The following ERG variants were observed in gnomAD, a reference collection of about 807,000 sequenced individuals.
The protein encoded by ERG is transcriptional regulator ERG.
A neutral mutation model predicts 55.3 loss-of-function variants in ERG; 9 were observed. That is an observed-to-expected ratio of 0.16 (90% CI 0.10 to 0.28). The LOEUF is 0.28. ERG is among the 10% of genes least tolerant of loss of function. ERG has a pLI of 1.00. For synonymous variants in ERG, 223 were observed against 237.3 expected, an observed-to-expected ratio of 0.94 and a Z score of 0.55; for missense variants, 434 against 631.6, an observed-to-expected ratio of 0.69 and a Z score of 3.35.
At chr21:38,617,330 C>A (rs1262104925) in intron 1 of ERG, among the ~76,000 whole-genome samples, 1 of 152,158 alleles carries the variant, frequency 6.6e-6, no homozygotes, top group Non-Finnish European at 1.5e-5. Flanking sequence ...TTCCTCCAAC[C>A]ATAACAGATC....
intron 2 of ERG, among the ~76,000 whole-genome samples, chr21:38,441,761 C>T (rs1489556145): frequency 6.6e-6 from 1 of 152,200 alleles, no homozygotes; most frequent in Non-Finnish European, 1.5e-5. Context: ...TGCTAGATGC[C>T]TCAAAGCGGA....
chr21:38,571,246 T>C (rs1403676711), intron 2 of ERG, among the ~76,000 whole-genome samples: 1 of 152,146 alleles, frequency 6.6e-6, no homozygotes, highest in African/African-American at 2.4e-5. Flanking sequence ...AAGTACTTGG[T>C]CATGCCTGTA....
At chr21:38,567,185 A>C (rs551541683) in intron 2 of ERG, among the ~76,000 whole-genome samples, 1 of 152,256 alleles carries the variant, frequency 6.6e-6, no homozygotes, top group South Asian at 2.1e-4. Context: ...ACCGCATTGG[A>C]ATCTGGCCCT....
At chr21:38,630,215 G>A (rs544108340) in intron 1 of ERG, among the ~76,000 whole-genome samples, 34 of 152,216 alleles carry the variant, frequency 2.2e-4, no homozygotes, top group Admixed American at 7.2e-4. Context: ...AAATGTGCTC[G>A]ATACCCCTGA....
rs114651572 is a variant in ERG at position 38,559,505 on chromosome 21, T to C, written c.-41+16157A>G. ...GGCCAGCACGATTTAGTCATTTAGA[T>C]TTCAGGTCTAACTAACTGATGACAG... On this transcript the variant is annotated intron_variant, in intron 2 of 8. Transcript: ENST00000398897. Among the ~76,000 whole-genome samples, 447 of 151,456 alleles carry C rather than the reference T, an allele frequency of 3.0e-3. 2 individuals are homozygous for C. The highest frequency in any genetic ancestry group is 0.01 in the African/African-American group (418 of 41,212).
intron 1 of ERG, among the ~76,000 whole-genome samples, chr21:38,474,919 G>A (rs537006624): frequency 1.7e-4 from 26 of 152,238 alleles, no homozygotes; most frequent in African/African-American, 5.5e-4. Flanking sequence ...ATTTAATAAC[G>A]TGATCACAGC....
chr21:38,545,178 T>C (rs543990016), intron 2 of ERG, among the ~76,000 whole-genome samples: 6 of 152,362 alleles, frequency 3.9e-5, no homozygotes, highest in Non-Finnish European at 7.3e-5. Flanking sequence ...CCTTCCTTTC[T>C]GCTGCCTCTT....
At chr21:38,592,230 G>A (rs2060104745) in intron 1 of ERG, among the ~76,000 whole-genome samples, 1 of 152,236 alleles carries the variant, frequency 6.6e-6, no homozygotes, top group Non-Finnish European at 1.5e-5. Flanking sequence ...CCTGAATGCA[G>A]AGTTGGGAAA....
chr21:38,390,711 C>T (rs192678840), intron 9 of ERG, among the ~76,000 whole-genome samples: 10 of 152,272 alleles, frequency 6.6e-5, no homozygotes, highest in East Asian at 3.9e-4. Context: ...TCCAGAACTG[C>T]GAGACAATAA....
At chr21:38,489,139 T>C (rs2059313604) in intron 1 of ERG, among the ~76,000 whole-genome samples, 1 of 152,190 alleles carries the variant, frequency 6.6e-6, no homozygotes, top group African/African-American at 2.4e-5. Context: ...AAACCCTTTA[T>C]CCTCAAGGTA....
In ERG at chr21:38,380,544, C is replaced by T; in HGVS notation, c.*2859G>A. The T allele has an allele frequency of 9.4e-7, 1 of 1,065,794 alleles. No homozygotes were observed. The highest frequency in any genetic ancestry group is 1.1e-6 in the Non-Finnish European group (1 of 879,604). The allele number at this position is 1,065,794 out of a possible 1,614,324, so 66.0% of individuals were successfully genotyped here. On this transcript the variant is annotated 3_prime_UTR_variant, in exon 10 of 10. Coordinates refer to ENST00000288319, the MANE Select transcript of ERG (RefSeq NM_182918.4). ...ACAGGAGTCTGAGTATACATCAGGG[C>T]AAGCCAAGAGACAGGGACAAACAGA... is the stretch of plus-strand genomic sequence containing the variant.
intron 2 of ERG, among the ~76,000 whole-genome samples, chr21:38,571,061 T>C (rs1016026146): frequency 1.3e-5 from 2 of 152,214 alleles, no homozygotes; most frequent in Non-Finnish European, 2.9e-5. Context: ...AAAATATTTA[T>C]AGGATCCTAA....
At chr21:38,515,261 G>A (rs974432313) in intron 2 of ERG, among the ~76,000 whole-genome samples, 1 of 151,864 alleles carries the variant, frequency 6.6e-6, no homozygotes, top group Admixed American at 6.6e-5. Context: ...CAGACAAGAT[G>A]CTCTTAAAGA....
At chr21:38,524,125 G>A (rs2059613985) in intron 2 of ERG, among the ~76,000 whole-genome samples, 1 of 152,120 alleles carries the variant, frequency 6.6e-6, no homozygotes, top group Non-Finnish European at 1.5e-5. Context: ...TGGAATCCCT[G>A]AGACCAAACC....
intron 2 of ERG, among the ~76,000 whole-genome samples, chr21:38,441,456 A>G (rs941985929): frequency 6.6e-6 from 1 of 152,204 alleles, no homozygotes; most frequent in Non-Finnish European, 1.5e-5. Flanking sequence ...CCTCCCCTGC[A>G]GATCTCAGAC....
intron 1 of ERG, among the ~76,000 whole-genome samples, chr21:38,455,262 A>C (rs562947329): frequency 5.1e-4 from 77 of 152,212 alleles, no homozygotes; most frequent in Non-Finnish European, 1.0e-3. Context: ...ATTTTTCATA[A>C]ACTTCTATGA....
At position 38,472,435 on chromosome 21, in the gene ERG, A is replaced by G. The variant is rs2059148008; in HGVS notation, c.18+25928T>C. Among the ~76,000 whole-genome samples the G allele has an allele frequency of 2.0e-5, 3 of 152,316 alleles. No individual in the cohort carries two copies. In the South Asian group the frequency reaches 6.2e-4, roughly 32 times the overall value. On this transcript the variant is annotated intron_variant, in intron 1 of 9. Coordinates refer to ENST00000288319, the MANE Select transcript of ERG (RefSeq NM_182918.4). ...TGCCACTCCACATAGTATACGGGAC[A>G]TATTTTAGGATCACCAGTTTAGAGA...
In ERG at chr21:38,390,522, G is replaced by A. The variant is rs139596996; in HGVS notation, c.919+473C>T. 5.9e-5 allele frequency among the ~76,000 whole-genome samples: 9 copies of A among 152,258 alleles called. No individual in the cohort carries two copies. The East Asian group carries it at 1.7e-3, about 29-fold the overall frequency. On this transcript the variant is annotated intron_variant, in intron 9 of 9. Transcript: ENST00000288319. The stretch of plus-strand genomic sequence containing the variant: ...ATTCCAACCTGACCAATGTCCTTAT[G>A]CAAAAGAGGCATTTGGACACAGAGA...
At chr21:38,588,920 G>T (rs2060083368), upstream of ERG, among the ~76,000 whole-genome samples, 1 of 151,970 alleles carries the variant, frequency 6.6e-6, no homozygotes, top group East Asian at 1.9e-4. Flanking sequence ...TTGGAGACAT[G>T]AGATCTCACT....
Sources: gnomAD v4.1 joint callset for allele counts (sites outside exome capture counted in the v4.1 genomes callset) on GRCh38, gnomAD v4.1.1 for gene constraint, MANE v1.5 for transcripts, NCBI Gene and HGNC (gene_info 2026-07-23, HGNC 2026-07-21) for gene names.